The following SYNE1 variants were observed in gnomAD, a reference collection of about 807,000 sequenced individuals.
The protein encoded by SYNE1 is nesprin-1.
In SYNE1, 616 loss-of-function variants were observed where a neutral mutation model predicts 1,111.0. The ratio of observed to expected loss-of-function variants is 0.55; its 90% CI spans 0.52 to 0.59. The LOEUF (loss-of-function observed/expected upper bound fraction) is 0.59. Ranked by LOEUF, SYNE1 falls within the 20% of genes least tolerant of loss-of-function variation. The pLI is 0.00. For synonymous variants in SYNE1, 3,855 were observed against 3,825.8 expected (o/e 1.01, Z -0.28); for missense variants, 10,006 against 10,417.0 (o/e 0.96, Z 1.72).
chr6:152,535,480 A>C (rs887717526), intron 4 of SYNE1, among the ~76,000 whole-genome samples: 6 of 152,178 alleles, frequency 3.9e-5, no homozygotes, highest in Non-Finnish European at 5.9e-5. Flanking sequence ...AGGACTGCTC[A>C]TTCTATATTG....
rs1265561583 is a variant in SYNE1 at position 152,145,494 on chromosome 6, A to G, written c.24977-1729T>C. The G allele has an allele frequency of 2.5e-6, 4 of 1,613,898 alleles. No individual in the cohort carries two copies. The highest frequency in any genetic ancestry group is 3.3e-5 in the Admixed American group (2 of 59,992). ...CCGGCTTGTTGTGCCTACCGGAGGTATTTTTGATTGCATTTTCTGTGAGTT... is the reference window on the plus strand; with the variant it reads ...CCGGCTTGTTGTGCCTACCGGAGGTGTTTTTGATTGCATTTTCTGTGAGTT... On this transcript the variant is annotated intron_variant, in intron 137 of 145. Transcript: ENST00000367255.
At chr6:152,382,944 A>T (rs1219312019) in intron 55 of SYNE1, among the ~76,000 whole-genome samples, 1 of 152,244 alleles carries the variant, frequency 6.6e-6, no homozygotes, top group African/African-American at 2.4e-5. Flanking sequence ...TATGATATAC[A>T]CATACACACA....
At chr6:152,569,386 T>C (rs1295082414) in intron 3 of SYNE1, among the ~76,000 whole-genome samples, 3 of 152,230 alleles carry the variant, frequency 2.0e-5, no homozygotes, top group Admixed American at 6.5e-5. Context: ...GAGGTAATGA[T>C]GGCACTTGCC....
chr6:152,179,018 A>C (rs550971536), intron 129 of SYNE1, among the ~76,000 whole-genome samples: 15 of 147,280 alleles, frequency 1.0e-4, no homozygotes, highest in African/African-American at 3.8e-4. Context: ...GGTTCAAGTG[A>C]TTCTCTTGCC....
intron 142 of SYNE1, 23 bp downstream of exon 142, chr6:152,135,081 C>T (rs201637027): frequency 1.2e-6 from 2 of 1,614,014 alleles, no homozygotes; most frequent in East Asian, 2.2e-5. Flanking sequence ...TAACTGGAGG[C>T]TGCCAGAGTT....
At position 152,444,513 on chromosome 6, in the gene SYNE1, G is replaced by A. The variant is rs758375991; in HGVS notation, c.3735C>T (p.Leu1245=). The A allele has an allele frequency of 4.8e-5, 77 of 1,613,288 alleles. No homozygotes were observed. The Middle Eastern group carries it at 4.9e-4, about 10-fold the overall frequency. Residue 1245 remains leucine (L), a synonymous_variant, in exon 30 of 146, where the codon CTC becomes CTT. Transcript: ENST00000367255. The part of the protein sequence containing the change: ...VQYKEIVKNS[L]EELISGSKEV... ...CTTTAGAGCCAGAAATTAATTCTTC[G>A]AGAGAATTTTTGACTATTTCTTTGT... is the stretch of plus-strand genomic sequence containing the variant.
intron 145 of SYNE1, chr6:152,129,309 C>G (rs1270841397): frequency 6.6e-6 from 1 of 152,202 alleles, no homozygotes; most frequent in Non-Finnish European, 1.5e-5. Flanking sequence ...TCATTTGTAT[C>G]AACCAAAGAA....
At chr6:152,628,046 A>G (rs1312508394) in intron 3 of SYNE1, among the ~76,000 whole-genome samples, 2 of 144,768 alleles carry the variant, frequency 1.4e-5, no homozygotes, top group East Asian at 3.9e-4. Flanking sequence ...CAAAATTACA[A>G]AAAAAAAAAA....
intron 15 of SYNE1, chr6:152,472,025 T>C: frequency 1.7e-6 from 1 of 591,312 alleles, no homozygotes; most frequent in Non-Finnish European, 3.0e-6. Context: ...TTTTGCAATA[T>C]TACATAATGT....
At chr6:152,477,496 G>A (rs945731736) in intron 14 of SYNE1, among the ~76,000 whole-genome samples, 4 of 152,176 alleles carry the variant, frequency 2.6e-5, no homozygotes, top group Non-Finnish European at 2.9e-5. Context: ...AGACCTCAAG[G>A]TAGGGAATAT....
chr6:152,315,852 T>C (rs900019764), intron 87 of SYNE1: 3 of 152,124 alleles, frequency 2.0e-5, no homozygotes, highest in Non-Finnish European at 4.4e-5. Flanking sequence ...ACTGTGAATA[T>C]AGGGAAAAAT....
intron 130 of SYNE1, among the ~76,000 whole-genome samples, chr6:152,166,425 C>A (rs1483701115): frequency 3.3e-5 from 5 of 152,158 alleles, no homozygotes; most frequent in Non-Finnish European, 2.9e-5. Flanking sequence ...CTAGATTCAA[C>A]ATTTGCCAGT....
intron 117 of SYNE1, among the ~76,000 whole-genome samples, chr6:152,222,257 AT>A (rs1221434713): frequency 2.6e-5 from 4 of 152,112 alleles, no homozygotes; most frequent in South Asian, 2.1e-4. Flanking sequence ...GCAGAAGTAA[AT>A]TTGCCTTGCT....
intron 59 of SYNE1, among the ~76,000 whole-genome samples, chr6:152,369,918 G>A (rs1422279255): frequency 6.9e-6 from 1 of 144,850 alleles, no homozygotes; most frequent in African/African-American, 2.6e-5. Context: ...AGGAGGCAGA[G>A]GTTGCAGTGA....
At position 152,206,213 on chromosome 6, in the gene SYNE1, G is replaced by A. The variant is rs748276967; in HGVS notation, c.22974C>T (p.Ser7658=). Residue 7658 remains serine (S), a synonymous_variant, in exon 126 of 146, where the codon AGC becomes AGT. Transcript: ENST00000367255. ...AEIQEKWKSA[S]MRLEEQKKKL... ...TTTTCTTCTGTTCTTCCAGCCGCAT[G>A]CTGGCTGATTTCCATTTCTCTTGGA... The A allele has an allele frequency of 1.2e-6, 2 of 1,613,614 alleles. No homozygotes were observed. Among genetic ancestry groups the A allele is most frequent in the Non-Finnish European group, 8.5e-7 (1 of 1,180,026 alleles).
intron 127 of SYNE1, among the ~76,000 whole-genome samples, chr6:152,191,257 CTT>C (rs60062115): frequency 0.075 from 9,405 of 124,984 alleles, 344 homozygotes; most frequent in African/African-American, 0.12. Flanking sequence ...TTTGATGTGT[CTT>C]TGTCTGGTTT....
At chr6:152,133,534 T>C (rs767400686) in intron 142 of SYNE1, 46 bp from the exon 143 acceptor site, 5 of 1,587,026 alleles carry the variant, frequency 3.2e-6, no homozygotes, top group African/African-American at 1.3e-5. Context: ...TTTTTGATAA[T>C]TGGCAAAAGC....
chr6:152,166,943 T>C (rs190595408), intron 130 of SYNE1, among the ~76,000 whole-genome samples: 1 of 152,350 alleles, frequency 6.6e-6, no homozygotes, highest in Admixed American at 6.5e-5. Flanking sequence ...CTTTCCATTA[T>C]TTCTTTAAAG....
intron 2 of SYNE1, among the ~76,000 whole-genome samples, chr6:152,631,391 G>C (rs1377079275): frequency 6.6e-6 from 1 of 152,186 alleles, no homozygotes; most frequent in Non-Finnish European, 1.5e-5. Flanking sequence ...AGAGGGCGGA[G>C]AGTGAGGTGG....
Sources: allele counts gnomAD v4.1 joint callset (sites outside exome capture counted in the v4.1 genomes callset), GRCh38; gene constraint gnomAD v4.1.1; transcripts MANE v1.5; gene names NCBI Gene and HGNC (gene_info 2026-07-23, HGNC 2026-07-21).